The following ACAN variants were observed in gnomAD, a reference collection of about 807,000 sequenced individuals.
ACAN encodes aggrecan.
Under a neutral mutation model 169.1 loss-of-function variants are expected in ACAN, and 47 were observed. That is an observed-to-expected ratio of 0.28 (90% CI 0.22 to 0.35). ACAN has a LOEUF of 0.35. Ranked by LOEUF, ACAN falls within the 10% of genes least tolerant of loss-of-function variation. The probability of loss-of-function intolerance (pLI) is 1.00; values close to 1 mark genes in which losing one functional copy is unlikely to be tolerated. For synonymous variants in ACAN, 1,115 were observed against 1,112.2 expected, an observed-to-expected ratio of 1.00 and a Z score of -0.05; for missense variants, 2,716 against 2,759.9, an observed-to-expected ratio of 0.98 and a Z score of 0.36.
At chr15:88,827,514 C>T (rs912850003) in intron 1 of ACAN, among the ~76,000 whole-genome samples, 1 of 150,990 alleles carries the variant, frequency 6.6e-6, no homozygotes, top group African/African-American at 2.4e-5. Context: ...GCCCCATTCA[C>T]TTGGACCATC....
Position 88,874,575 on chromosome 15 carries a change from T to C in ACAN, c.*94T>C. The C allele has an allele frequency of 8.3e-7, 1 of 1,211,114 alleles. No homozygotes were observed. Among genetic ancestry groups the C allele is most frequent in the Non-Finnish European group, 1.2e-6 (1 of 838,478 alleles). The allele number at this position is 1,211,114 out of a possible 1,614,324, so 75.0% of individuals were successfully genotyped here. On this transcript the variant is annotated 3_prime_UTR_variant, in exon 19 of 19. Coordinates refer to ENST00000560601, the MANE Select transcript of ACAN (RefSeq NM_001369268.1). This position sits in a 1 kb window ranked among gnomAD's most constrained non-coding sequence, Gnocchi z 7.3. ...AGACGGTGTCCTCTTCTTGTCGCTT[T>C]TTGTCATATAAGGAATCCCATTAAA... is the stretch of plus-strand genomic sequence containing the variant.
Position 88,872,692 on chromosome 15 carries a change from C to G in ACAN, c.7303-189C>G, listed in dbSNP as rs564331630. 9.2e-5 allele frequency among the ~76,000 whole-genome samples: 14 copies of G among 152,030 alleles called. No individual in the cohort carries two copies. The highest frequency in any genetic ancestry group is 3.4e-4 in the African/African-American group (14 of 41,406). ...TGTGACTGATTCCCTAGAGGGCCAC[C>G]GGGTTCCATGGCCCCTAGAACAGCC... On this transcript the variant is annotated intron_variant, in intron 16 of 18. Coordinates refer to ENST00000560601, the MANE Select transcript of ACAN (RefSeq NM_001369268.1). This position sits in a 1 kb window ranked among gnomAD's most constrained non-coding sequence, Gnocchi z 5.4.
intron 11 of ACAN, among the ~76,000 whole-genome samples, chr15:88,852,938 T>A (rs1896963271): frequency 6.6e-6 from 1 of 152,228 alleles, no homozygotes; most frequent in Non-Finnish European, 1.5e-5. Context: ...TGCATCAGCA[T>A]TCTGTGCATG....
rs1897023318 is a variant in ACAN, at chr15:88,855,187, G to A, written c.2602G>A (p.Gly868Ser). 4 of 1,607,908 alleles carry A rather than the reference G, an allele frequency of 2.5e-6. No homozygotes were observed. Among genetic ancestry groups the A allele is most frequent in the Non-Finnish European group, 3.4e-6 (4 of 1,176,102 alleles). ...GGAATCTGGGGCCCCTGATGTCAGT[G>A]GTGACTTCACAGGCAGTGGAGATGT... ...GEESGAPDVSGDFTGSGDVSG... is the reference protein window; with the variant it reads ...GEESGAPDVSSDFTGSGDVSG... The change falls in exon 12 of 19, where the codon GGT becomes AGT. Residue 868 changes from glycine to serine, a missense_variant. Gly to Ser is a moderately conservative substitution (Grantham distance 56). This residue lies in a region of ACAN where 1,283 missense variants were observed against 1,281.5 expected (regional missense o/e 1.00). Transcript: ENST00000560601.
rs2141630945 is a variant in ACAN at position 88,868,074 on chromosome 15, G to A, written c.6947-142G>A. The A allele has an allele frequency of 3.3e-6, 2 of 615,312 alleles. No homozygotes were observed. Among genetic ancestry groups the A allele is most frequent in the East Asian group, 2.8e-5 (1 of 35,924 alleles). 38.1% of individuals were successfully genotyped at this position (615,312 alleles called of 1,614,324 possible). On this transcript the variant is annotated intron_variant, in intron 13 of 18. Coordinates refer to ENST00000560601, the MANE Select transcript of ACAN (RefSeq NM_001369268.1). The surrounding 1 kb of genome is among the most constrained non-coding windows in gnomAD (Gnocchi z 5.2). ...GATGGCAGCAGCAGCAGCAGCAGCA[G>A]CAACAGTTCTCAGGAAAACCAGCCA...
chr15:88,852,688 C>G (rs1207047334), intron 11 of ACAN, among the ~76,000 whole-genome samples: 6 of 152,228 alleles, frequency 3.9e-5, no homozygotes, highest in African/African-American at 1.4e-4. Flanking sequence ...CTTGAATGTG[C>G]TAATGTGCAC....
chr15:88,851,952 A>G lies in ACAN; in HGVS notation c.2185A>G (p.Ile729Val), dbSNP rs1007385280. The change falls in exon 11 of 19, where the codon ATC (isoleucine) becomes GTC (valine). Residue 729 changes from isoleucine (I) to valine (V), a missense_variant. Ile to Val is a conservative substitution (Grantham distance 29, BLOSUM62 3). This residue lies in a region of ACAN where 1,283 missense variants were observed against 1,281.5 expected (regional missense o/e 1.00). Coordinates refer to ENST00000560601, the MANE Select transcript of ACAN (RefSeq NM_001369268.1). The surrounding 1 kb of genome is among the most constrained non-coding windows in gnomAD (Gnocchi z 4.3). ...TGTACCCTCAGGGGAGACTACTGCC[A>G]TCCTAGAGTTCACCACCGAGCCAGA... ...TAVPSGETTA[I>V]LEFTTEPENQ... The G allele has an allele frequency of 8.7e-6, 14 of 1,612,608 alleles. No individual in the cohort carries two copies. The highest frequency in any genetic ancestry group is 1.2e-5 in the Non-Finnish European group (14 of 1,179,436).
intron 1 of ACAN, among the ~76,000 whole-genome samples, chr15:88,833,827 C>A (rs1317627): frequency 0.6 from 90,373 of 150,856 alleles, 27,548 homozygotes; most frequent in Middle Eastern, 0.71. Context: ...CACTCCTACA[C>A]CCCCGGACAA....
chr15:88,811,871 C>A (rs61146196), intron 1 of ACAN, among the ~76,000 whole-genome samples: 1 of 152,124 alleles, frequency 6.6e-6, no homozygotes, highest in African/African-American at 2.4e-5. Context: ...GGCATCACCC[C>A]CACCCCAGAC....
Position 88,839,863 on chromosome 15 carries a change from G to A in ACAN, c.455-149G>A. 1.2e-6 allele frequency: 1 copy of A among 852,710 alleles called. No homozygotes were observed. Among genetic ancestry groups the A allele is most frequent in the Non-Finnish European group, 1.8e-6 (1 of 562,178 alleles). The allele number at this position is 852,710 out of a possible 1,614,324, so 52.8% of individuals were successfully genotyped here. A position where few individuals can be genotyped will look rare whatever the true frequency, so the allele number is the denominator to read the frequency against. On this transcript the variant is annotated intron_variant, in intron 3 of 18. Coordinates refer to ENST00000560601, the MANE Select transcript of ACAN (RefSeq NM_001369268.1). This position sits in a 1 kb window ranked among gnomAD's most constrained non-coding sequence, Gnocchi z 4.5. ...TCCAGCAAATTCAGAAGGATCACGT[G>A]CAAAGGTGTACAGGGAGTCATGCAT... is the stretch of plus-strand genomic sequence containing the variant.
chr15:88,872,031 C>G lies in ACAN; in HGVS notation c.7248C>G (p.Gly2416=), dbSNP rs758195928. 1.8e-5 allele frequency: 29 copies of G among 1,613,912 alleles called. No individual in the cohort carries two copies. The highest frequency in any genetic ancestry group is 2.3e-5 in the Non-Finnish European group (27 of 1,179,944). ...ATGCCCAAGACTACCAGTGGATCGG[C>G]CTGAACGACAGGACCATCGAAGGGG... ...NNNAQDYQWI[G]LNDRTIEGDF... The change falls in exon 16 of 19, where the codon GGC becomes GGG. Residue 2416 remains glycine (G), a synonymous_variant. Transcript: ENST00000560601. The surrounding 1 kb of genome is among the most constrained non-coding windows in gnomAD (Gnocchi z 5.4).
chr15:88,839,014 A>T lies in ACAN; in HGVS notation c.422A>T (p.Asp141Val). Residue 141 changes from aspartate to valine, a missense_variant, in exon 3 of 19, where the codon GAC (aspartate) becomes GTC (valine). Physicochemically the swap from Asp to Val is radical, Grantham distance 152. This residue lies in a region of ACAN where 1,283 missense variants were observed against 1,281.5 expected (regional missense o/e 1.00). Transcript: ENST00000560601. This position sits in a 1 kb window ranked among gnomAD's most constrained non-coding sequence, Gnocchi z 4.5. ...YRCEVMHGIE[D>V]SEATLEVVVK... is the part of the protein sequence containing the mutation. ...TGCGAGGTGATGCATGGCATCGAGG[A>T]CAGCGAGGCCACCCTGGAAGTCGTG... is the stretch of plus-strand genomic sequence containing the variant. The T allele has an allele frequency of 6.2e-7, 1 of 1,607,626 alleles. No homozygotes were observed. Among genetic ancestry groups the T allele is most frequent in the Non-Finnish European group, 8.5e-7 (1 of 1,179,828 alleles).
At chr15:88,836,759 C>G (rs1340247999) in intron 2 of ACAN, among the ~76,000 whole-genome samples, 1 of 152,214 alleles carries the variant, frequency 6.6e-6, no homozygotes, top group Non-Finnish European at 1.5e-5. Flanking sequence ...TCGGGAAGCC[C>G]CAGCCTGGTC....
Position 88,858,497 on chromosome 15 carries a change from C to G in ACAN, c.5912C>G (p.Ala1971Gly), listed in dbSNP as rs928167507. 1 of 1,613,706 alleles carries G rather than the reference C, an allele frequency of 6.2e-7. No individual in the cohort carries two copies. The highest frequency in any genetic ancestry group is 1.3e-5 in the African/African-American group (1 of 74,922). The change falls in exon 12 of 19, where the codon GCA (alanine) becomes GGA (glycine). Residue 1971 changes from alanine (A) to glycine (G), a missense_variant. Physicochemically the swap from Ala to Gly is moderately conservative, Grantham distance 60. Coordinates refer to ENST00000560601, the MANE Select transcript of ACAN (RefSeq NM_001369268.1). The surrounding 1 kb of genome is among the most constrained non-coding windows in gnomAD (Gnocchi z 4.0). ...ILELSGAHSG[A>G]PDMSGEHSGF... ...GAACTCAGTGGTGCTCATTCTGGAG[C>G]ACCAGACATGTCTGGGGAGCATTCT...
In ACAN at chr15:88,871,910, C is replaced by T. The variant is rs980331226; in HGVS notation, c.7220-93C>T. 6.9e-6 allele frequency: 8 copies of T among 1,162,314 alleles called. No individual in the cohort carries two copies. The highest frequency in any genetic ancestry group is 1.0e-5 in the Non-Finnish European group (8 of 770,810). 72.0% of individuals were successfully genotyped at this position (1,162,314 alleles called of 1,614,324 possible). A position where few individuals can be genotyped will look rare whatever the true frequency, so the allele number is the denominator to read the frequency against. On this transcript the variant is annotated intron_variant, in intron 15 of 18. Coordinates refer to ENST00000560601, the MANE Select transcript of ACAN (RefSeq NM_001369268.1). This position sits in a 1 kb window ranked among gnomAD's most constrained non-coding sequence, Gnocchi z 7.8. ...TCCTAGGAGCCCACCCACCTCCTTT[C>T]CTCCTCCATCCCCTCTGCCTCCGTG...
intron 2 of ACAN, among the ~76,000 whole-genome samples, chr15:88,837,467 A>G (rs1896533194): frequency 6.6e-6 from 1 of 152,244 alleles, no homozygotes; most frequent in Non-Finnish European, 1.5e-5. Context: ...CATATGGGAC[A>G]AGGGCCTTCA....
At chr15:88,813,575 G>A (rs1895872309) in intron 1 of ACAN, among the ~76,000 whole-genome samples, 1 of 152,164 alleles carries the variant, frequency 6.6e-6, no homozygotes, top group African/African-American at 2.4e-5. Context: ...CGTCAGGGAG[G>A]AGCTGCTTTT....
intron 1 of ACAN, among the ~76,000 whole-genome samples, chr15:88,809,212 G>C (rs1176066059): frequency 2.0e-5 from 3 of 152,156 alleles, no homozygotes; most frequent in African/African-American, 7.2e-5. Context: ...CTGCTCTTTG[G>C]GGCAGGGTTG....
In ACAN at chr15:88,874,189, A is replaced by C; in HGVS notation, c.7630+165A>C. The C allele has an allele frequency of 9.3e-7, 1 of 1,078,220 alleles. No homozygotes were observed. 66.8% of individuals were successfully genotyped at this position (1,078,220 alleles called of 1,614,324 possible). ...CAAATAGCTGACCACTGCCCTTAGAAGGGCCACGTACTTGTCCCAGGAGAG... is the reference window on the plus strand; with the variant it reads ...CAAATAGCTGACCACTGCCCTTAGACGGGCCACGTACTTGTCCCAGGAGAG... On this transcript the variant is annotated intron_variant, in intron 18 of 18. Coordinates refer to ENST00000560601, the MANE Select transcript of ACAN (RefSeq NM_001369268.1). This position sits in a 1 kb window ranked among gnomAD's most constrained non-coding sequence, Gnocchi z 7.3.
Sources: gnomAD v4.1 joint callset for allele counts (sites outside exome capture counted in the v4.1 genomes callset) on GRCh38, gnomAD v4.1.1 for gene constraint, gnomAD v4.1.1 regional missense constraint, Gnocchi (gnomAD v3.1) non-coding constraint, MANE v1.5 for transcripts, NCBI Gene and HGNC (gene_info 2026-07-23, HGNC 2026-07-21) for gene names.